The following VPS13C variants were observed in gnomAD, a reference collection of about 807,000 sequenced individuals.
VPS13C encodes the protein vacuolar protein sorting 13 homolog C, also known as intermembrane lipid transfer protein VPS13C.
Under a neutral mutation model 456.8 loss-of-function variants are expected in VPS13C, and 358 were observed. The observed-to-expected ratio is 0.78, with a 90% CI of 0.72 to 0.86. VPS13C has a LOEUF of 0.86. VPS13C is among the 40% of genes least tolerant of loss of function. The probability of loss-of-function intolerance (pLI) is 0.00; values close to 1 mark genes in which losing one functional copy is unlikely to be tolerated. For synonymous variants in VPS13C, 1,578 were observed against 1,486.7 expected (o/e 1.06, Z -1.41); for missense variants, 4,818 against 4,385.4 (o/e 1.10, Z -2.79).
intron 3 of VPS13C, among the ~76,000 whole-genome samples, chr15:62,038,691 T>C (rs1264995237): frequency 6.6e-6 from 1 of 151,866 alleles, no homozygotes; most frequent in Non-Finnish European, 1.5e-5. Flanking sequence ...GTAGAAAATA[T>C]TTGCAAATTA....
chr15:61,875,688 C>A (rs1566962093), intron 76 of VPS13C, 44 bp downstream of exon 76: 1 of 1,368,806 alleles, frequency 7.3e-7, no homozygotes, highest in East Asian at 2.3e-5. Flanking sequence ...AATAGACCAT[C>A]CATTTTTCTG....
chr15:61,923,713 CA>C (rs576790343), intron 53 of VPS13C, among the ~76,000 whole-genome samples: 122 of 149,860 alleles, frequency 8.1e-4, no homozygotes, highest in African/African-American at 2.8e-3. Context: ...ATTATATCAT[CA>C]AAAGCAGGAT....
At chr15:61,859,452 T>G (rs528487912) in intron 82 of VPS13C, among the ~76,000 whole-genome samples, 98 of 152,278 alleles carry the variant, frequency 6.4e-4, no homozygotes, top group Non-Finnish European at 8.8e-5. Context: ...TAGAATCTTA[T>G]GAGCTGCTAC....
At position 62,000,398 on chromosome 15, in the gene VPS13C, TC is replaced by T. The variant is rs374638525; in HGVS notation, c.1353+165del. On this transcript the variant is annotated intron_variant, in intron 16 of 84. Coordinates refer to ENST00000644861, the MANE Select transcript of VPS13C (RefSeq NM_020821.3). ...ATAATAATAAAAATAAGGTTTTTTT[TC>T]CCCTTCATATTAGTGGCTTTTTTTC... Among the ~76,000 whole-genome samples, 15 of 152,162 alleles carry T rather than the reference TC, an allele frequency of 9.9e-5. No individual in the cohort carries two copies. In the East Asian group the frequency reaches 1.9e-3, roughly 20 times the overall value.
intron 16 of VPS13C, among the ~76,000 whole-genome samples, chr15:61,998,231 A>G (rs1227026060): frequency 6.6e-6 from 1 of 152,186 alleles, no homozygotes; most frequent in African/African-American, 2.4e-5. Context: ...TCTTTGCTCA[A>G]ATGTTTCCTT....
At chr15:61,918,345 TA>T (rs1020673632) in intron 58 of VPS13C, 88 bp from the exon 59 acceptor site, 2 of 1,267,242 alleles carry the variant, frequency 1.6e-6, no homozygotes, top group Non-Finnish European at 2.1e-6. Context: ...CTTTTAGATC[TA>T]AAAAATTTCA....
chr15:61,954,195 A>G (rs1421562468), intron 38 of VPS13C, among the ~76,000 whole-genome samples: 1 of 152,156 alleles, frequency 6.6e-6, no homozygotes, highest in African/African-American at 2.4e-5. Context: ...ACTGTCCTAA[A>G]ATCATTAAAA....
chr15:61,870,398 CTTT>C (rs959416781), intron 79 of VPS13C, among the ~76,000 whole-genome samples: 2 of 151,922 alleles, frequency 1.3e-5, no homozygotes, highest in Non-Finnish European at 2.9e-5. Context: ...TGTACTGTGA[CTTT>C]TTTTTCTACT....
chr15:61,945,053 C>T (rs544591075), intron 45 of VPS13C, among the ~76,000 whole-genome samples: 1 of 152,254 alleles, frequency 6.6e-6, no homozygotes, highest in South Asian at 2.1e-4. Context: ...AGTGAGTTCT[C>T]ATGAGATCTG....
chr15:62,016,515 T>TG (rs1399257611), intron 9 of VPS13C, among the ~76,000 whole-genome samples: 1 of 147,004 alleles, frequency 6.8e-6, no homozygotes, highest in Non-Finnish European at 1.5e-5. Flanking sequence ...AGTGAGAACA[T>TG]GCAGTGTTTG....
chr15:61,970,787 G>A (rs2045522509), intron 27 of VPS13C, among the ~76,000 whole-genome samples: 1 of 150,508 alleles, frequency 6.6e-6, no homozygotes, highest in African/African-American at 2.4e-5. Flanking sequence ...AGAAAATGAA[G>A]GTTGCTGTCT....
chr15:62,008,262 G>A (rs920566785), intron 14 of VPS13C, among the ~76,000 whole-genome samples: 3 of 151,670 alleles, frequency 2.0e-5, no homozygotes, highest in African/African-American at 7.3e-5. Flanking sequence ...TTAGCTGGGC[G>A]TGGTTGCACA....
At chr15:61,972,583 G>A (rs780810468) in intron 27 of VPS13C, 42 bp downstream of exon 27, 4 of 1,594,914 alleles carry the variant, frequency 2.5e-6, no homozygotes, top group Non-Finnish European at 8.5e-7. Flanking sequence ...ACAAGATAGT[G>A]ACAGCCAGAA....
At chr15:62,042,930 T>A (rs980047251) in intron 2 of VPS13C, among the ~76,000 whole-genome samples, 2 of 150,258 alleles carry the variant, frequency 1.3e-5, no homozygotes, top group Non-Finnish European at 3.0e-5. Flanking sequence ...AATATATATA[T>A]ATAAAAATTA....
At position 61,963,912 on chromosome 15, in the gene VPS13C, C is replaced by G; in HGVS notation, c.3254G>C (p.Arg1085Thr). The G allele has an allele frequency of 6.2e-7, 1 of 1,611,732 alleles. No homozygotes were observed. The highest frequency in any genetic ancestry group is 8.5e-7 in the Non-Finnish European group (1 of 1,178,500). ...SSRDSDIIDF[R>T]LFAKLNAFCV... ...GAAAGCATTCAACTTGGCAAATAGC[C>G]TGAAATCAATAATGTCACTATCTCT... Residue 1085 changes from arginine (R) to threonine (T), a missense_variant, in exon 32 of 85, where the codon AGG (arginine) becomes ACG (threonine). Physicochemically the swap from Arg to Thr is moderately conservative, Grantham distance 71. Transcript: ENST00000644861.
In VPS13C at chr15:61,915,684, C is replaced by G. The variant is rs373994025; in HGVS notation, c.8394G>C (p.Arg2798Ser). 2 of 1,606,634 alleles carry G rather than the reference C, an allele frequency of 1.2e-6. No individual in the cohort carries two copies. Among genetic ancestry groups the G allele is most frequent in the Admixed American group, 1.7e-5 (1 of 58,328 alleles). Residue 2798 changes from arginine to serine, a missense_variant, in exon 61 of 85, where the codon AGG (arginine) becomes AGC (serine). Around this residue, in one of 3 missense-constraint regions of VPS13C, gnomAD observed 4,552 missense variants for 4,130.6 expected, o/e 1.10. Coordinates refer to ENST00000644861, the MANE Select transcript of VPS13C (RefSeq NM_020821.3). ...TCTTGAAAGAAAATAAAATAATATC[C>G]CTGAAATCAGCTGGATGTTTCACAT... ...DIHVKHPADF[R>S]DIILFSFKKK...
At chr15:61,901,649 T>C (rs979083355) in intron 66 of VPS13C, among the ~76,000 whole-genome samples, 10 of 151,992 alleles carry the variant, frequency 6.6e-5, no homozygotes, top group Non-Finnish European at 1.5e-4. Flanking sequence ...TGGGAACACT[T>C]TTACACTGTT....
At chr15:62,025,514 T>C (rs2047608009) in intron 6 of VPS13C, among the ~76,000 whole-genome samples, 1 of 152,108 alleles carries the variant, frequency 6.6e-6, no homozygotes, top group South Asian at 2.1e-4. Context: ...TCCACTTGGC[T>C]AGAACAGCTT....
At chr15:62,060,198 G>C in intron 1 of VPS13C, 77 bp downstream of exon 1, 1 of 790,782 alleles carries the variant, frequency 1.3e-6, no homozygotes, top group Non-Finnish European at 2.0e-6. Context: ...AGCAGGGCCC[G>C]GGCAGAATCC....
Sources: gnomAD v4.1 joint callset for allele counts (sites outside exome capture counted in the v4.1 genomes callset) on GRCh38, gnomAD v4.1.1 for gene constraint, gnomAD v4.1.1 regional missense constraint, MANE v1.5 for transcripts, NCBI Gene and HGNC (gene_info 2026-07-23, HGNC 2026-07-21) for gene names.